INPP5F: variants seen among roughly 807,000 people sequenced by gnomAD.
The protein encoded by INPP5F is inositol polyphosphate-5-phosphatase F, also known as phosphatidylinositide 4-phosphatase SAC2.
In INPP5F, 97 loss-of-function variants were observed where a neutral mutation model predicts 137.2. The observed-to-expected ratio is 0.71, with a 90% CI of 0.60 to 0.84. The LOEUF (loss-of-function observed/expected upper bound fraction) is 0.84. Ranked by LOEUF, INPP5F falls within the 40% of genes least tolerant of loss-of-function variation. The probability of loss-of-function intolerance (pLI) is 0.00; values close to 1 mark genes in which losing one functional copy is unlikely to be tolerated. For missense variants in INPP5F, 1,271 were observed against 1,371.9 expected, an observed-to-expected ratio of 0.93 and a Z score of 1.16; for synonymous variants, 504 against 476.9, an observed-to-expected ratio of 1.06 and a Z score of -0.74.
chr10:119,815,093 C>G (rs953774018), intron 15 of INPP5F: 1 of 152,536 alleles, frequency 6.6e-6, no homozygotes, highest in Non-Finnish European at 1.5e-5. Flanking sequence ...TCTCGATCTC[C>G]TGACCTCGTG....
intron 2 of INPP5F, among the ~76,000 whole-genome samples, chr10:119,770,320 A>G (rs1329104336): frequency 6.6e-6 from 1 of 152,202 alleles, no homozygotes; most frequent in African/African-American, 2.4e-5. Context: ...CCTGATCTCA[A>G]AATGGTAGCT....
At chr10:119,739,867 G>A (rs999653658) in intron 1 of INPP5F, among the ~76,000 whole-genome samples, 3 of 152,076 alleles carry the variant, frequency 2.0e-5, no homozygotes, top group South Asian at 2.1e-4. Context: ...CAATCTGCCT[G>A]TCTCAGCCTC....
intron 2 of INPP5F, among the ~76,000 whole-genome samples, chr10:119,753,479 C>T (rs1848744881): frequency 6.6e-6 from 1 of 152,140 alleles, no homozygotes; most frequent in Non-Finnish European, 1.5e-5. Context: ...GTTGTGTTGG[C>T]TGGGGTCATT....
intron 2 of INPP5F, among the ~76,000 whole-genome samples, chr10:119,775,595 C>T (rs1023710067): frequency 2.0e-5 from 3 of 152,080 alleles, no homozygotes; most frequent in Non-Finnish European, 4.4e-5. Flanking sequence ...GGTTTTTAAC[C>T]CAAAGCCCAT....
chr10:119,805,262 C>T (rs1282469774), intron 10 of INPP5F, 122 bp from the exon 11 acceptor site: 1 of 671,162 alleles, frequency 1.5e-6, no homozygotes. Context: ...GTATTAACCT[C>T]ATATATGTAC....
intron 19 of INPP5F, among the ~76,000 whole-genome samples, chr10:119,825,041 T>A (rs1851706217): frequency 6.6e-6 from 1 of 152,190 alleles, no homozygotes; most frequent in African/African-American, 2.4e-5. Context: ...GAAAACATAC[T>A]CCTTTACTTC....
chr10:119,823,167 C>G lies in INPP5F; in HGVS notation c.2129C>G (p.Ala710Gly), dbSNP rs747385554. The G allele has an allele frequency of 6.2e-7, 1 of 1,613,940 alleles. No individual in the cohort carries two copies. Among genetic ancestry groups the G allele is most frequent in the South Asian group, 1.1e-5 (1 of 91,066 alleles). The change falls in exon 18 of 20, where the codon GCT becomes GGT. Residue 710 changes from alanine to glycine, a missense_variant. By Grantham distance (60) the Ala-to-Gly change is moderately conservative (BLOSUM62 0). Transcript: ENST00000650623. ...EASGYFHTLR[A>G]VMRNPEEDGK... Reference sequence around the variant, plus strand: ...AGTGGCTATTTCCACACATTGCGAGCTGTAATGCGTAATCCTGAAGAGGAT... The same window carrying G: ...AGTGGCTATTTCCACACATTGCGAGGTGTAATGCGTAATCCTGAAGAGGAT...
intron 2 of INPP5F, among the ~76,000 whole-genome samples, chr10:119,764,362 A>C (rs76712178): frequency 6.3e-4 from 94 of 148,176 alleles, no homozygotes; most frequent in African/African-American, 2.2e-3. Context: ...CACACACACA[A>C]ACACACACAG....
At chr10:119,808,539 CTG>C (rs1177191411) in intron 13 of INPP5F, among the ~76,000 whole-genome samples, 2 of 152,198 alleles carry the variant, frequency 1.3e-5, no homozygotes. Context: ...TTTCAAAAGA[CTG>C]TTATGGGATC....
Position 119,797,650 on chromosome 10 carries a change from T to G in INPP5F, c.1048+10T>G. On this transcript the variant is annotated intron_variant, in intron 8 of 19. Transcript: ENST00000650623. ...CCGCGGCTGGACAGAAGTAAGCAGG[T>G]CAATTATTGGGTTTGCAAATGATGA... 2 of 1,588,950 alleles carry G rather than the reference T, an allele frequency of 1.3e-6. No individual in the cohort carries two copies. The highest frequency in any genetic ancestry group is 8.6e-7 in the Non-Finnish European group (1 of 1,167,414).
chr10:119,820,561 C>T (rs1288848919), intron 15 of INPP5F, among the ~76,000 whole-genome samples: 3 of 152,186 alleles, frequency 2.0e-5, no homozygotes, highest in African/African-American at 7.2e-5. Context: ...CCACCAGTCC[C>T]CCACCTCAAA....
intron 2 of INPP5F, among the ~76,000 whole-genome samples, chr10:119,773,373 G>T (rs1321498170): frequency 6.6e-6 from 1 of 152,100 alleles, no homozygotes; most frequent in Non-Finnish European, 1.5e-5. Context: ...TCAAATTTTA[G>T]TTTCGGGGCG....
intron 1 of INPP5F, among the ~76,000 whole-genome samples, chr10:119,749,622 G>T (rs1340800902): frequency 1.3e-5 from 2 of 152,168 alleles, no homozygotes; most frequent in Non-Finnish European, 2.9e-5. Flanking sequence ...TTTGGTAGCA[G>T]CCTTGATCCG....
chr10:119,805,376 G>C lies in INPP5F; in HGVS notation c.1242-8G>C. ...AAGATTTTTTCTTTCTTTTGGCATGGATTTTAGCCGAGGAATGAAGTTTGA... is the reference window on the plus strand; with the variant it reads ...AAGATTTTTTCTTTCTTTTGGCATGCATTTTAGCCGAGGAATGAAGTTTGA... On this transcript the variant is annotated splice_region_variant and splice_polypyrimidine_tract_variant and intron_variant, in intron 10 of 19. Coordinates refer to ENST00000650623, the MANE Select transcript of INPP5F (RefSeq NM_014937.4). The C allele has an allele frequency of 6.2e-7, 1 of 1,607,816 alleles. No individual in the cohort carries two copies. Among genetic ancestry groups the C allele is most frequent in the East Asian group, 2.2e-5 (1 of 44,842 alleles).
chr10:119,737,300 G>C (rs1848243774), intron 1 of INPP5F, among the ~76,000 whole-genome samples: 2 of 152,130 alleles, frequency 1.3e-5, no homozygotes, highest in Admixed American at 6.5e-5. Context: ...GTTTAAAGTT[G>C]TATGTGCTAC....
At chr10:119,763,518 A>T (rs1243645710) in intron 2 of INPP5F, among the ~76,000 whole-genome samples, 1 of 152,132 alleles carries the variant, frequency 6.6e-6, no homozygotes, top group African/African-American at 2.4e-5. Context: ...GGCCTGTAAA[A>T]CCCAGGAAGA....
rs568609628 is a variant in INPP5F, at chr10:119,807,781, C to A, written c.1441-151C>A. 1.1e-4 allele frequency: 66 copies of A among 614,444 alleles called. No individual in the cohort carries two copies. In the South Asian group the frequency reaches 2.0e-3, roughly 19 times the overall value. The allele number at this position is 614,444 out of a possible 1,614,324, so 38.1% of individuals were successfully genotyped here. A position where few individuals can be genotyped will look rare whatever the true frequency, so the allele number is the denominator to read the frequency against. ...AATTTATAAAGCCATCTTTCAAGCA[C>A]TACTTTATTAAAAATGAGTCTGAAA... On this transcript the variant is annotated intron_variant, in intron 12 of 19. Coordinates refer to ENST00000650623, the MANE Select transcript of INPP5F (RefSeq NM_014937.4).
chr10:119,788,512 T>C (rs1850007561), intron 3 of INPP5F, among the ~76,000 whole-genome samples: 1 of 152,124 alleles, frequency 6.6e-6, no homozygotes, highest in Admixed American at 6.5e-5. Flanking sequence ...GGGAGTGTTC[T>C]TTCATTCCGA....
intron 1 of INPP5F, among the ~76,000 whole-genome samples, chr10:119,733,627 T>C (rs1848147317): frequency 6.6e-6 from 1 of 152,044 alleles, no homozygotes; most frequent in African/African-American, 2.4e-5. Context: ...AGAAACTTTG[T>C]AGAATCACTG....
Sources: allele counts gnomAD v4.1 joint callset (sites outside exome capture counted in the v4.1 genomes callset), GRCh38; gene constraint gnomAD v4.1.1; transcripts MANE v1.5; gene names NCBI Gene and HGNC (gene_info 2026-07-23, HGNC 2026-07-21).